Variants in XIRP2 observed in about 807,000 individuals in gnomAD.
XIRP2 encodes the protein xin actin binding repeat containing 2, also known as xin actin-binding repeat-containing protein 2.
In XIRP2, 236 loss-of-function variants were observed where a neutral mutation model predicts 277.0. The observed-to-expected ratio is 0.85, with a 90% CI of 0.77 to 0.95. The LOEUF is 0.95. Ranked by LOEUF, XIRP2 falls within the 40% of genes least tolerant of loss-of-function variation. The pLI, the probability that XIRP2 is intolerant of heterozygous loss-of-function variation, is 0.00. For synonymous variants in XIRP2, 1,490 were observed against 1,416.5 expected, an observed-to-expected ratio of 1.05 and a Z score of -1.17; for missense variants, 4,640 against 4,157.5, an observed-to-expected ratio of 1.12 and a Z score of -3.19.
Position 167,251,067 on chromosome 2 carries a change from T to C in XIRP2, c.9675T>C (p.Ile3225=). The C allele has an allele frequency of 6.2e-7, 1 of 1,613,600 alleles. No homozygotes were observed. The highest frequency in any genetic ancestry group is 1.1e-5 in the South Asian group (1 of 91,078). ...CTCCTGCAACACTTCGTCGTCAAATTAAGATAGAAACTCGTGGTAGGGACT... is the reference window on the plus strand; with the variant it reads ...CTCCTGCAACACTTCGTCGTCAAATCAAGATAGAAACTCGTGGTAGGGACT... ...IMSPATLRRQ[I]KIETRGRDSP... is the part of the protein sequence containing the mutation. The change falls in exon 9 of 11, where the codon ATT becomes ATC. Residue 3225 remains isoleucine, a synonymous_variant. Transcript: ENST00000409195.
At chr2:167,054,683 C>CAAA (rs5836129) in intron 2 of XIRP2, among the ~76,000 whole-genome samples, 16 of 108,958 alleles carry the variant, frequency 1.5e-4, no homozygotes, top group African/African-American at 4.6e-4. Context: ...GACTCAGTCG[C>CAAA]AAAAAAAAAA....
intron 3 of XIRP2, among the ~76,000 whole-genome samples, chr2:167,178,202 A>G (rs528388732): frequency 2.6e-4 from 39 of 152,260 alleles, no homozygotes; most frequent in African/African-American, 8.9e-4. Context: ...GATACATGAA[A>G]AACTTAACAG....
rs369482136 is a variant in XIRP2 at position 167,247,568 on chromosome 2, G to A, written c.6176G>A (p.Gly2059Glu). The A allele has an allele frequency of 4.6e-5, 75 of 1,613,516 alleles. No individual in the cohort carries two copies. The highest frequency in any genetic ancestry group is 5.8e-5 in the Non-Finnish European group (69 of 1,179,758). The change falls in exon 9 of 11, where the codon GGA becomes GAA. Residue 2059 changes from glycine to glutamate, a missense_variant. Gly to Glu is a moderately conservative substitution (Grantham distance 98, BLOSUM62 -2). Coordinates refer to ENST00000409195, the MANE Select transcript of XIRP2 (RefSeq NM_152381.6). ...SHHKSNVLES[G>E]DKTGVWTDTT... ...CATAAATCTAATGTTTTGGAATCAG[G>A]AGACAAAACGGGTGTCTGGACTGAT... is the stretch of plus-strand genomic sequence containing the variant.
At chr2:166,979,241 A>C (rs1686795661) in intron 2 of XIRP2, among the ~76,000 whole-genome samples, 1 of 152,074 alleles carries the variant, frequency 6.6e-6, no homozygotes, top group Non-Finnish European at 1.5e-5. Context: ...GAGAGAGAGC[A>C]TTTTCAATTG....
chr2:167,088,561 C>G (rs541318033), intron 2 of XIRP2, among the ~76,000 whole-genome samples: 1 of 152,130 alleles, frequency 6.6e-6, no homozygotes, highest in Non-Finnish European at 1.5e-5. Context: ...CCTCAGTACA[C>G]TTGCATATCT....
At chr2:167,062,553 CTCT>C (rs1689197873) in intron 2 of XIRP2, among the ~76,000 whole-genome samples, 4 of 152,082 alleles carry the variant, frequency 2.6e-5, no homozygotes, top group Non-Finnish European at 5.9e-5. Context: ...TTATTCTCCC[CTCT>C]TCTGTTTCTG....
At chr2:166,898,473 T>G (rs541622791) in intron 1 of XIRP2, among the ~76,000 whole-genome samples, 1 of 152,276 alleles carries the variant, frequency 6.6e-6, no homozygotes, top group East Asian at 1.9e-4. Context: ...ACCTAATCAC[T>G]TTTTTATCCA....
intron 1 of XIRP2, among the ~76,000 whole-genome samples, chr2:166,897,858 A>G (rs1219476919): frequency 6.6e-6 from 1 of 152,122 alleles, no homozygotes; most frequent in Non-Finnish European, 1.5e-5. Flanking sequence ...CTCTCTAGGC[A>G]ATAGACTTTC....
At chr2:166,926,542 T>C (rs4667939) in intron 2 of XIRP2, among the ~76,000 whole-genome samples, 31,459 of 152,034 alleles carry the variant, frequency 0.21, 3,980 homozygotes, top group Admixed American at 0.28. Flanking sequence ...AATATCCAGA[T>C]CAATCTGCCT....
rs974244164 is a variant in XIRP2, at chr2:167,248,141, G to A, written c.6749G>A (p.Ser2250Asn). ...CGGGAGACTGATGTTCACTTGAAAA[G>A]CCAGGACTTTCTAATGAAAACAAAT... ...KKRETDVHLK[S>N]QDFLMKTNTS... Residue 2250 changes from serine to asparagine, a missense_variant, in exon 9 of 11, where the codon AGC (serine) becomes AAC (asparagine). Ser to Asn is a conservative substitution (Grantham distance 46). Coordinates refer to ENST00000409195, the MANE Select transcript of XIRP2 (RefSeq NM_152381.6). The A allele has an allele frequency of 2.5e-6, 4 of 1,613,530 alleles. No homozygotes were observed. The highest frequency in any genetic ancestry group is 1.7e-5 in the Admixed American group (1 of 59,952).
At chr2:167,211,969 GAGAA>G (rs1427351925) in intron 4 of XIRP2, among the ~76,000 whole-genome samples, 1 of 152,154 alleles carries the variant, frequency 6.6e-6, no homozygotes, top group East Asian at 1.9e-4. Context: ...GAGGGAGACA[GAGAA>G]AGAGAGAGAG....
At chr2:167,230,257 A>G (rs544122548) in intron 5 of XIRP2, among the ~76,000 whole-genome samples, 161 of 152,232 alleles carry the variant, frequency 1.1e-3, no homozygotes, top group Middle Eastern at 3.4e-3. Context: ...TGGAACTTCA[A>G]TGAAGTCAGT....
chr2:167,088,789 T>C (rs538347520), intron 2 of XIRP2, among the ~76,000 whole-genome samples: 3 of 152,308 alleles, frequency 2.0e-5, no homozygotes, highest in Admixed American at 2.0e-4. Flanking sequence ...TTATCCCAGA[T>C]AACTCTTATT....
At chr2:167,084,021 T>A (rs2105265802) in intron 2 of XIRP2, among the ~76,000 whole-genome samples, 1 of 151,876 alleles carries the variant, frequency 6.6e-6, no homozygotes, top group African/African-American at 2.4e-5. Flanking sequence ...CTTGTGCCAG[T>A]TTTCAAAGGG....
At chr2:167,113,829 T>C (rs1041997577) in intron 2 of XIRP2, among the ~76,000 whole-genome samples, 15 of 152,180 alleles carry the variant, frequency 9.9e-5, no homozygotes, top group Admixed American at 9.2e-4. Flanking sequence ...ATTAGGCAGT[T>C]CTGGTGCTAA....
chr2:167,000,114 G>A (rs926623088), intron 2 of XIRP2, among the ~76,000 whole-genome samples: 14 of 152,092 alleles, frequency 9.2e-5, no homozygotes, highest in African/African-American at 3.4e-4. Context: ...TCATAAATAT[G>A]GAAGTGTTTC....
chr2:166,929,893 A>G (rs577780660), intron 2 of XIRP2, among the ~76,000 whole-genome samples: 3 of 152,192 alleles, frequency 2.0e-5, no homozygotes, highest in Non-Finnish European at 4.4e-5. Context: ...TGGCACAGGA[A>G]TATTTAAAAA....
chr2:167,182,405 C>T (rs980086518), intron 3 of XIRP2, among the ~76,000 whole-genome samples: 1 of 152,182 alleles, frequency 6.6e-6, no homozygotes, highest in African/African-American at 2.4e-5. Context: ...CATACCTCCC[C>T]TGATAGTTCG....
At chr2:166,936,619 A>C (rs181684178) in intron 2 of XIRP2, among the ~76,000 whole-genome samples, 132 of 152,260 alleles carry the variant, frequency 8.7e-4, no homozygotes, top group African/African-American at 2.7e-3. Context: ...CCAGTTTCAG[A>C]TTTCTACATA....
Sources: gnomAD v4.1 joint callset for allele counts (sites outside exome capture counted in the v4.1 genomes callset) on GRCh38, gnomAD v4.1.1 for gene constraint, MANE v1.5 for transcripts, NCBI Gene and HGNC (gene_info 2026-07-23, HGNC 2026-07-21) for gene names.